CCDC85C: variants seen among roughly 807,000 people sequenced by gnomAD.
The protein encoded by CCDC85C is coiled-coil domain-containing protein 85C.
CCDC85C carries 18 observed loss-of-function variants against 38.3 expected under a neutral mutation model. The ratio of observed to expected loss-of-function variants is 0.47; its 90% CI spans 0.33 to 0.70. The LOEUF is 0.70. Among genes scored for constraint, CCDC85C ranks in the 30% least tolerant of loss-of-function variants. The probability of loss-of-function intolerance (pLI) is 0.03; values close to 1 mark genes in which losing one functional copy is unlikely to be tolerated. For synonymous variants in CCDC85C, 264 were observed against 293.8 expected (o/e 0.90, Z 1.04); for missense variants, 566 against 621.2 (o/e 0.91, Z 0.94).
At chr14:99,565,918 C>T (rs1291514606) in intron 1 of CCDC85C, among the ~76,000 whole-genome samples, 2 of 152,214 alleles carry the variant, frequency 1.3e-5, no homozygotes, top group Non-Finnish European at 2.9e-5. Flanking sequence ...ATGCAGGGGA[C>T]GGTGGCTTTC....
At chr14:99,555,443 C>T (rs375835238) in intron 1 of CCDC85C, among the ~76,000 whole-genome samples, 7 of 152,334 alleles carry the variant, frequency 4.6e-5, no homozygotes, top group African/African-American at 1.7e-4. Context: ...GTCCTATGAG[C>T]ACACACACCT....
chr14:99,580,684 G>A (rs988954475), intron 1 of CCDC85C, among the ~76,000 whole-genome samples: 1 of 152,076 alleles, frequency 6.6e-6, no homozygotes. Flanking sequence ...GGCCAACATG[G>A]TGAAACCCCA....
chr14:99,510,330 G>A lies in CCDC85C; in HGVS notation c.*4916C>T, dbSNP rs758984649. 9 of 825,080 alleles carry A rather than the reference G, an allele frequency of 1.1e-5. No individual in the cohort carries two copies. The highest frequency in any genetic ancestry group is 2.1e-5 in the Admixed American group (1 of 46,786). The allele number at this position is 825,080 out of a possible 1,614,324, so 51.1% of individuals were successfully genotyped here. ...CCCACCCCCCTCCAGCTACATGACC[G>A]GGATGTCCACCACCAGCTCCTACAT... On this transcript the variant is annotated 3_prime_UTR_variant, in exon 6 of 6. Transcript: ENST00000380243.
rs1898472405 is a variant in CCDC85C at position 99,576,183 on chromosome 14, T to C, written c.793+26984A>G. On this transcript the variant is annotated intron_variant, in intron 1 of 5. Transcript: ENST00000380243. The surrounding 1 kb of genome is among the most constrained non-coding windows in gnomAD (Gnocchi z 4.8). Reference sequence around the variant, plus strand: ...ATCCAAGGCATAAACAGACCACAAGTCAAACTGTGACCTTGGGTGAGGATT... The same window carrying C: ...ATCCAAGGCATAAACAGACCACAAGCCAAACTGTGACCTTGGGTGAGGATT... Among the ~76,000 whole-genome samples, 8 of 152,126 alleles carry C rather than the reference T, an allele frequency of 5.3e-5. No individual in the cohort carries two copies. The highest frequency in any genetic ancestry group is 5.2e-4 in the Admixed American group (8 of 15,282).
intron 2 of CCDC85C, among the ~76,000 whole-genome samples, chr14:99,532,282 G>C (rs1298286393): frequency 6.6e-6 from 1 of 152,206 alleles, no homozygotes; most frequent in African/African-American, 2.4e-5. Context: ...TGGAGACTAA[G>C]TAAACCCCAT....
At chr14:99,552,216 A>C (rs906109591) in intron 1 of CCDC85C, among the ~76,000 whole-genome samples, 64 of 152,280 alleles carry the variant, frequency 4.2e-4, no homozygotes, top group African/African-American at 1.4e-3. Flanking sequence ...CTGCCCCTGC[A>C]CCACTGGGGA....
intron 1 of CCDC85C, among the ~76,000 whole-genome samples, chr14:99,600,348 T>C (rs1361587409): frequency 6.6e-6 from 1 of 152,172 alleles, no homozygotes; most frequent in African/African-American, 2.4e-5. Context: ...TTGCCCAGTA[T>C]ACATGGAGGA....
At chr14:99,593,718 C>T (rs976819240) in intron 1 of CCDC85C, among the ~76,000 whole-genome samples, 6 of 152,252 alleles carry the variant, frequency 3.9e-5, no homozygotes, top group African/African-American at 1.4e-4. Context: ...GGCGCATCCT[C>T]GCCCCTAGCT....
At chr14:99,550,412 CT>C (rs1321982334) in intron 1 of CCDC85C, among the ~76,000 whole-genome samples, 12 of 152,146 alleles carry the variant, frequency 7.9e-5, no homozygotes, top group African/African-American at 2.7e-4. Context: ...CCTCTGGCCC[CT>C]AGAAGGGAAC....
intron 1 of CCDC85C, among the ~76,000 whole-genome samples, chr14:99,563,222 T>C (rs182642364): frequency 1.3e-5 from 2 of 152,332 alleles, no homozygotes; most frequent in East Asian, 1.9e-4. Flanking sequence ...CTGGGTGCAC[T>C]GGGAGGCCAG....
Position 99,507,022 on chromosome 14 carries a change from G to A in CCDC85C, c.*8224C>T. 9.7e-7 allele frequency: 1 copy of A among 1,031,074 alleles called. No homozygotes were observed. Among genetic ancestry groups the A allele is most frequent in the Non-Finnish European group, 1.5e-6 (1 of 647,652 alleles). The allele number at this position is 1,031,074 out of a possible 1,614,324, so 63.9% of individuals were successfully genotyped here. Reference sequence around the variant, plus strand: ...GCCAGTACATTTTTCTTTATGACATGCTTATTCATGTGAAGAAGTATGAGT... The same window carrying A: ...GCCAGTACATTTTTCTTTATGACATACTTATTCATGTGAAGAAGTATGAGT... On this transcript the variant is annotated 3_prime_UTR_variant, in exon 6 of 6. Coordinates refer to ENST00000380243, the MANE Select transcript of CCDC85C (RefSeq NM_001144995.2).
intron 1 of CCDC85C, among the ~76,000 whole-genome samples, chr14:99,578,215 A>T (rs1360345359): frequency 7.2e-6 from 1 of 138,704 alleles, no homozygotes; most frequent in Non-Finnish European, 1.5e-5. Context: ...CTACACCCAT[A>T]CAGCCCATCC....
intron 2 of CCDC85C, among the ~76,000 whole-genome samples, chr14:99,526,962 G>A (rs1455962381): frequency 2.6e-5 from 4 of 152,196 alleles, no homozygotes; most frequent in African/African-American, 4.8e-5. Flanking sequence ...AAAGCCCACC[G>A]AGATCCAGCT....
In CCDC85C at chr14:99,501,693, A is replaced by C; in HGVS notation, c.*13553T>G. 1 of 400,202 alleles carries C rather than the reference A, an allele frequency of 2.5e-6. No individual in the cohort carries two copies. Among genetic ancestry groups the C allele is most frequent in the South Asian group, 4.1e-5 (1 of 24,442 alleles). 24.8% of individuals were successfully genotyped at this position (400,202 alleles called of 1,614,324 possible). ...AATACACTGGAGAATTTTGAAAACT[A>C]ATTACTTAGAGCCCATTTGGTTTTG... is the stretch of plus-strand genomic sequence containing the variant. On this transcript the variant is annotated 3_prime_UTR_variant, in exon 6 of 6. Coordinates refer to ENST00000380243, the MANE Select transcript of CCDC85C (RefSeq NM_001144995.2).
intron 3 of CCDC85C, among the ~76,000 whole-genome samples, chr14:99,518,393 A>G (rs1364486372): frequency 6.6e-6 from 1 of 152,126 alleles, no homozygotes; most frequent in Non-Finnish European, 1.5e-5. Flanking sequence ...GGGGTCTAGG[A>G]AAGCGTCATT....
chr14:99,565,332 A>C (rs1898194844), intron 1 of CCDC85C, among the ~76,000 whole-genome samples: 1 of 152,202 alleles, frequency 6.6e-6, no homozygotes, highest in Admixed American at 6.5e-5. Context: ...TCTGACCCCC[A>C]GTGCAGAGGG....
intron 1 of CCDC85C, among the ~76,000 whole-genome samples, chr14:99,578,419 C>G (rs1311359499): frequency 6.6e-6 from 1 of 152,226 alleles, no homozygotes; most frequent in Non-Finnish European, 1.5e-5. Context: ...CCTCTCCACA[C>G]CCATACAGCC....
rs1436209656 is a variant in CCDC85C, at chr14:99,582,098, G to C, written c.793+21069C>G. Reference sequence around the variant, plus strand: ...GTTCACTCAGGATCAGCCATCTCAGGTGGCCACACCCAGCGGGGGCGGGGG... The same window carrying C: ...GTTCACTCAGGATCAGCCATCTCAGCTGGCCACACCCAGCGGGGGCGGGGG... On this transcript the variant is annotated intron_variant, in intron 1 of 5. Coordinates refer to ENST00000380243, the MANE Select transcript of CCDC85C (RefSeq NM_001144995.2). 2.0e-5 allele frequency among the ~76,000 whole-genome samples: 3 copies of C among 152,180 alleles called. No homozygotes were observed. In the South Asian group the frequency reaches 6.2e-4, roughly 32 times the overall value.
chr14:99,589,298 G>T (rs569429403), intron 1 of CCDC85C, among the ~76,000 whole-genome samples: 1 of 152,136 alleles, frequency 6.6e-6, no homozygotes, highest in African/African-American at 2.4e-5. Flanking sequence ...CAGCCAGGAC[G>T]GCTGGGCGCC....
Sources: allele counts gnomAD v4.1 joint callset (sites outside exome capture counted in the v4.1 genomes callset), GRCh38; gene constraint gnomAD v4.1.1; non-coding constraint Gnocchi (gnomAD v3.1); transcripts MANE v1.5; gene names NCBI Gene and HGNC (gene_info 2026-07-23, HGNC 2026-07-21).